Variants in ADGRV1 observed in about 807,000 individuals in gnomAD.
ADGRV1 encodes adhesion G protein-coupled receptor V1.
Under a neutral mutation model 596.2 loss-of-function variants are expected in ADGRV1, and 359 were observed. That is an observed-to-expected ratio of 0.60 (90% CI 0.55 to 0.66). The LOEUF is 0.66. ADGRV1 is among the 30% of genes least tolerant of loss of function. The probability of loss-of-function intolerance (pLI) is 0.00; values close to 1 mark genes in which losing one functional copy is unlikely to be tolerated. For synonymous variants in ADGRV1, 2,681 were observed against 2,679.2 expected, an observed-to-expected ratio of 1.00 and a Z score of -0.02; for missense variants, 7,274 against 7,575.6, an observed-to-expected ratio of 0.96 and a Z score of 1.48.
rs1040916818 is a variant in ADGRV1 at position 90,969,361 on chromosome 5, C to A, written c.17973+3830C>A. The stretch of plus-strand genomic sequence containing the variant: ...CTGCTATTCCAATATAAATTTATAC[C>A]TTCTTTTTAACCAAAGAAGATCATC... On this transcript the variant is annotated intron_variant, in intron 84 of 89. Coordinates refer to ENST00000405460, the MANE Select transcript of ADGRV1 (RefSeq NM_032119.4). Among the ~76,000 whole-genome samples the A allele has an allele frequency of 3.9e-5, 6 of 152,178 alleles. No homozygotes were observed. The South Asian group carries it at 1.2e-3, about 32-fold the overall frequency.
intron 1 of ADGRV1, among the ~76,000 whole-genome samples, chr5:90,570,499 T>G (rs1756379292): frequency 6.6e-6 from 1 of 152,038 alleles, no homozygotes; most frequent in Admixed American, 6.6e-5. Flanking sequence ...CCATTATTTC[T>G]TCAGCCATAT....
intron 59 of ADGRV1, among the ~76,000 whole-genome samples, chr5:90,764,090 G>A (rs1756817103): frequency 6.6e-6 from 1 of 152,156 alleles, no homozygotes; most frequent in Admixed American, 6.5e-5. Context: ...GAGTGATAAG[G>A]GGGTGTACCA....
At chr5:91,127,700 C>T (rs576474073) in intron 87 of ADGRV1, among the ~76,000 whole-genome samples, 6 of 152,172 alleles carry the variant, frequency 3.9e-5, no homozygotes, top group African/African-American at 7.2e-5. Flanking sequence ...CAGCTTAAAT[C>T]CAGGATAAGA....
chr5:91,007,771 T>G (rs1782399166), intron 85 of ADGRV1, among the ~76,000 whole-genome samples: 8 of 152,154 alleles, frequency 5.3e-5, no homozygotes, highest in Admixed American at 5.2e-4. Context: ...CAGTGGGCCT[T>G]TTAAAGCTGC....
intron 50 of ADGRV1, among the ~76,000 whole-genome samples, chr5:90,742,855 G>A (rs908170776): frequency 2.0e-5 from 3 of 152,156 alleles, no homozygotes; most frequent in Admixed American, 6.5e-5. Flanking sequence ...ACAAGAAAGA[G>A]GATGTCAAAG....
At chr5:90,962,198 T>C (rs1320583390) in intron 83 of ADGRV1, among the ~76,000 whole-genome samples, 1 of 152,246 alleles carries the variant, frequency 6.6e-6, no homozygotes, top group Non-Finnish European at 1.5e-5. Context: ...ATCATTAATA[T>C]GTGAGTTATA....
Position 90,772,176 on chromosome 5 carries a change from C to G in ADGRV1, c.12286-2010C>G, listed in dbSNP as rs972554211. On this transcript the variant is annotated intron_variant, in intron 59 of 89. Coordinates refer to ENST00000405460, the MANE Select transcript of ADGRV1 (RefSeq NM_032119.4). The stretch of plus-strand genomic sequence containing the variant: ...AATCCTTATCATTCACAATCCCCTA[C>G]TTGTGAATTTCCCTACTCACTAAGG... Among the ~76,000 whole-genome samples, 3 of 152,274 alleles carry G rather than the reference C, an allele frequency of 2.0e-5. No homozygotes were observed. The South Asian group carries it at 6.2e-4, about 32-fold the overall frequency.
intron 83 of ADGRV1, among the ~76,000 whole-genome samples, chr5:90,866,800 T>C (rs544835441): frequency 6.6e-6 from 1 of 152,272 alleles, no homozygotes; most frequent in Non-Finnish European, 1.5e-5. Flanking sequence ...AAGTGTGTTA[T>C]TGATACAGAA....
intron 85 of ADGRV1, among the ~76,000 whole-genome samples, chr5:91,034,650 A>G (rs1784726204): frequency 6.6e-6 from 1 of 152,076 alleles, no homozygotes; most frequent in Non-Finnish European, 1.5e-5. Context: ...TCTTGATTCT[A>G]GCTTCTTTCA....
chr5:90,747,295 T>A (rs6889903), intron 52 of ADGRV1, among the ~76,000 whole-genome samples: 7,815 of 152,146 alleles, frequency 0.051, 673 homozygotes, highest in African/African-American at 0.18. Flanking sequence ...CTGCATGTGA[T>A]AGGGGATGAG....
At chr5:90,965,676 A>G in intron 84 of ADGRV1, 145 bp downstream of exon 84, 1 of 516,730 alleles carries the variant, frequency 1.9e-6, no homozygotes, top group Middle Eastern at 3.1e-4. Flanking sequence ...GACAAATAAA[A>G]ACACCCTATA....
chr5:90,621,064 A>T (rs1330978276), intron 4 of ADGRV1, among the ~76,000 whole-genome samples: 1 of 152,184 alleles, frequency 6.6e-6, no homozygotes, highest in African/African-American at 2.4e-5. Context: ...CAAATACACA[A>T]AATAGGGCCC....
intron 17 of ADGRV1, among the ~76,000 whole-genome samples, chr5:90,650,907 T>C (rs1451103797): frequency 6.6e-6 from 1 of 152,088 alleles, no homozygotes. Flanking sequence ...TGAGTGAAGA[T>C]GGGAAGGACT....
chr5:90,640,667 T>C (rs181037277), intron 11 of ADGRV1: 1 of 152,672 alleles, frequency 6.5e-6, no homozygotes, highest in East Asian at 1.9e-4. Flanking sequence ...GAATCCAGGG[T>C]GCAGAGTTCC....
intron 85 of ADGRV1, among the ~76,000 whole-genome samples, chr5:91,059,891 A>G (rs1342223376): frequency 2.0e-5 from 3 of 152,224 alleles, no homozygotes; most frequent in African/African-American, 7.2e-5. Flanking sequence ...AATGATAAAT[A>G]AATACTAATT....
chr5:90,964,507 C>G lies in ADGRV1; in HGVS notation c.17857-908C>G, dbSNP rs186383159. On this transcript the variant is annotated intron_variant, in intron 83 of 89. Coordinates refer to ENST00000405460, the MANE Select transcript of ADGRV1 (RefSeq NM_032119.4). ...GTTTCCCCCTGCCATCTACACTCAT[C>G]ATTGCAATATTTGACACAGTAGTCA... Among the ~76,000 whole-genome samples, 6 of 152,216 alleles carry G rather than the reference C, an allele frequency of 3.9e-5. No individual in the cohort carries two copies. The South Asian group carries it at 8.3e-4, about 21-fold the overall frequency.
chr5:90,690,704 G>T, intron 30 of ADGRV1, 93 bp from the exon 31 acceptor site: 1 of 1,257,890 alleles, frequency 7.9e-7, no homozygotes, highest in Non-Finnish European at 1.1e-6. Flanking sequence ...TTGCTTAGGG[G>T]GGAAGAGAAT....
intron 79 of ADGRV1, 133 bp from the exon 80 acceptor site, chr5:90,853,151 T>G: frequency 1.2e-6 from 1 of 809,010 alleles, no homozygotes; most frequent in Non-Finnish European, 1.9e-6. Flanking sequence ...TTCTATTTAC[T>G]GCTTCTGGGT....
intron 87 of ADGRV1, among the ~76,000 whole-genome samples, chr5:91,145,656 A>T (rs556954012): frequency 6.6e-6 from 1 of 152,208 alleles, no homozygotes; most frequent in Non-Finnish European, 1.5e-5. Context: ...CCAAAAAAAA[A>T]AACAACTCTA....
Sources: gnomAD v4.1 joint callset for allele counts (sites outside exome capture counted in the v4.1 genomes callset) on GRCh38, gnomAD v4.1.1 for gene constraint, MANE v1.5 for transcripts, NCBI Gene and HGNC (gene_info 2026-07-23, HGNC 2026-07-21) for gene names.